The following NAV2 variants were observed in gnomAD, a reference collection of about 807,000 sequenced individuals.
NAV2 encodes helicase, APC down-regulated 1.
Under a neutral mutation model 223.2 loss-of-function variants are expected in NAV2, and 54 were observed. That is an observed-to-expected ratio of 0.24 (90% CI 0.19 to 0.30). The LOEUF is 0.30. Among genes scored for constraint, NAV2 ranks in the 10% least tolerant of loss-of-function variants. The pLI, the probability that NAV2 is intolerant of heterozygous loss-of-function variation, is 1.00. For missense variants in NAV2, 2,806 were observed against 3,147.5 expected, an observed-to-expected ratio of 0.89 and a Z score of 2.60; for synonymous variants, 1,279 against 1,239.3, an observed-to-expected ratio of 1.03 and a Z score of -0.67.
chr11:19,916,668 G>A (rs1476243397), intron 6 of NAV2, among the ~76,000 whole-genome samples: 1 of 152,214 alleles, frequency 6.6e-6, no homozygotes, highest in African/African-American at 2.4e-5. Context: ...TTGATATTCT[G>A]GAGCAAGGGA....
intron 11 of NAV2, among the ~76,000 whole-genome samples, chr11:20,004,887 A>G (rs2052898091): frequency 6.6e-6 from 1 of 152,130 alleles, no homozygotes; most frequent in Non-Finnish European, 1.5e-5. Flanking sequence ...AGGCTCCAGA[A>G]TAGGGTTCAG....
At chr11:20,113,078 A>T (rs2062774553) in intron 36 of NAV2, among the ~76,000 whole-genome samples, 2 of 152,136 alleles carry the variant, frequency 1.3e-5, no homozygotes, top group African/African-American at 2.4e-5. Flanking sequence ...ACTACAGGTG[A>T]CACTGCCCTG....
chr11:19,520,633 A>T (rs527923029), intron 1 of NAV2, among the ~76,000 whole-genome samples: 5 of 145,964 alleles, frequency 3.4e-5, no homozygotes, highest in Non-Finnish European at 5.9e-5. Flanking sequence ...CCCCTCCCCT[A>T]TTTTACCCTA....
intron 1 of NAV2, among the ~76,000 whole-genome samples, chr11:19,388,481 T>A (rs746239816): frequency 7.9e-5 from 12 of 152,208 alleles, no homozygotes; most frequent in Non-Finnish European, 1.6e-4. Context: ...AAAACACCCA[T>A]GTAATACATA....
At position 19,787,635 on chromosome 11, in the gene NAV2, A is replaced by C. The variant is rs79727772; in HGVS notation, c.268-44849A>C. On this transcript the variant is annotated intron_variant, in intron 1 of 37. Transcript: ENST00000349880. ...AGTCCTTTTCTCACAGGGATATCAG[A>C]TATGTTTAAGAGGTGTGTATGCGAT... Among the ~76,000 whole-genome samples, 2,100 of 152,194 alleles carry C rather than the reference A, an allele frequency of 0.014. 79 individuals carry two copies. In the East Asian group the frequency reaches 0.16, roughly 11 times the overall value.
At chr11:19,886,069 A>C (rs2625304) in intron 5 of NAV2, among the ~76,000 whole-genome samples, 27,998 of 151,854 alleles carry the variant, frequency 0.18, 3,132 homozygotes, top group East Asian at 0.43. Context: ...TGGCTCCCTG[A>C]GGCCTTGATT....
chr11:19,958,267 T>TA (rs2048054449), intron 10 of NAV2, among the ~76,000 whole-genome samples: 2 of 152,232 alleles, frequency 1.3e-5, no homozygotes, highest in Non-Finnish European at 2.9e-5. Context: ...AAATCCCGTG[T>TA]AAAAAGTGTT....
chr11:20,002,181 T>C (rs1293462386), intron 11 of NAV2, among the ~76,000 whole-genome samples: 4 of 152,202 alleles, frequency 2.6e-5, no homozygotes, highest in Non-Finnish European at 5.9e-5. Context: ...TCATGACTAA[T>C]CACCTTCCAA....
chr11:19,593,753 A>G (rs1057222245), intron 1 of NAV2, among the ~76,000 whole-genome samples: 2 of 9,048 alleles, frequency 2.2e-4, no homozygotes, highest in Non-Finnish European at 8.8e-3. Context: ...GTATGTAGTG[A>G]CACCTTTCAT....
At chr11:20,043,771 T>G in intron 12 of NAV2, 1 of 540,314 alleles carries the variant, frequency 1.9e-6, no homozygotes. Flanking sequence ...CAGGGATACA[T>G]TGATATTATT....
At chr11:19,629,998 C>A (rs578108341) in intron 1 of NAV2, among the ~76,000 whole-genome samples, 1 of 152,198 alleles carries the variant, frequency 6.6e-6, no homozygotes, top group African/African-American at 2.4e-5. Context: ...ATGAGGCAGC[C>A]CCTGGGGCCG....
intron 30 of NAV2, among the ~76,000 whole-genome samples, chr11:20,096,686 A>G (rs930680893): frequency 6.6e-6 from 1 of 152,232 alleles, no homozygotes; most frequent in African/African-American, 2.4e-5. Flanking sequence ...ACAACCTAAT[A>G]GTACACTATA....
intron 1 of NAV2, among the ~76,000 whole-genome samples, chr11:19,728,843 T>C (rs932509225): frequency 6.6e-6 from 1 of 152,220 alleles, no homozygotes; most frequent in African/African-American, 2.4e-5. Context: ...TGCTCTATTA[T>C]ATTAGTGTAA....
intron 3 of NAV2, among the ~76,000 whole-genome samples, chr11:19,861,790 T>C (rs1012804214): frequency 6.6e-6 from 1 of 152,212 alleles, no homozygotes; most frequent in South Asian, 2.1e-4. Flanking sequence ...CACTCTGAAA[T>C]TGTAGCAAGA....
chr11:19,996,305 C>T (rs1031814327), intron 11 of NAV2, among the ~76,000 whole-genome samples: 6 of 152,218 alleles, frequency 3.9e-5, no homozygotes, highest in Admixed American at 1.3e-4. Flanking sequence ...AGTGAGCATC[C>T]CCTAGGGCCT....
At position 20,103,720 on chromosome 11, in the gene NAV2, T is replaced by C; in HGVS notation, c.6640T>C (p.Phe2214Leu). The change falls in exon 34 of 38, where the codon TTC (phenylalanine) becomes CTC (leucine). Residue 2214 changes from phenylalanine to leucine, a missense_variant. Transcript: ENST00000349880. ...STPNLQLHHN[F>L]RWVLCANHTE... ...TCCCAACCTGCAGCTTCACCATAAC[T>C]TCAGGTCAGTTTTCCCTTCCCTTGT... 1 of 1,614,068 alleles carries C rather than the reference T, an allele frequency of 6.2e-7. No homozygotes were observed. Among genetic ancestry groups the C allele is most frequent in the Non-Finnish European group, 8.5e-7 (1 of 1,179,900 alleles).
chr11:19,474,251 A>G (rs2133952884), intron 1 of NAV2, among the ~76,000 whole-genome samples: 1 of 152,364 alleles, frequency 6.6e-6, no homozygotes. Flanking sequence ...AAGCAATGCA[A>G]GGCCAGCCCA....
At chr11:20,027,049 T>C (rs2055155271) in intron 11 of NAV2, among the ~76,000 whole-genome samples, 1 of 152,218 alleles carries the variant, frequency 6.6e-6, no homozygotes, top group South Asian at 2.1e-4. Context: ...TATTATGCTT[T>C]CCACATAGAC....
chr11:19,526,803 A>C (rs1173516722), intron 1 of NAV2, among the ~76,000 whole-genome samples: 2 of 152,072 alleles, frequency 1.3e-5, no homozygotes, highest in Non-Finnish European at 2.9e-5. Flanking sequence ...GCTGAGGTCC[A>C]TTACTTCCCT....
Sources: allele counts gnomAD v4.1 joint callset (sites outside exome capture counted in the v4.1 genomes callset), GRCh38; gene constraint gnomAD v4.1.1; transcripts MANE v1.5; gene names NCBI Gene and HGNC (gene_info 2026-07-23, HGNC 2026-07-21).